Variants in CST1 observed in about 807,000 individuals in gnomAD.
The protein encoded by CST1 is cystatin SN.
CST1 carries 19 observed loss-of-function variants against 10.7 expected under a neutral mutation model. The ratio of observed to expected loss-of-function variants is 1.78; its 90% CI spans 1.24 to 2.61. The LOEUF is 2.61. CST1 is among the 30% of genes most tolerant of loss of function. The probability of loss-of-function intolerance (pLI) is 0.00; values close to 1 mark genes in which losing one functional copy is unlikely to be tolerated. For synonymous variants in CST1, 95 were observed against 72.8 expected (o/e 1.31, Z -1.55); for missense variants, 247 against 178.1 (o/e 1.39, Z -2.20).
rs1227030695 is a variant in CST1 at position 23,747,883 on chromosome 20, A to G, written c.359T>C (p.Phe120Ser). 1.9e-6 allele frequency: 3 copies of G among 1,613,746 alleles called. No homozygotes were observed. The highest frequency in any genetic ancestry group is 3.3e-5 in the Admixed American group (2 of 60,012). The change falls in exon 3 of 3, where the codon TTC (phenylalanine) becomes TCC (serine). Residue 120 changes from phenylalanine (F) to serine (S), a missense_variant. Coordinates refer to ENST00000304749, the MANE Select transcript of CST1 (RefSeq NM_001898.3). ...PELQKKQLCS[F>S]EIYEVPWENR... ...CTCCCAGGGAACTTCGTAGATCTCG[A>G]AAGAGCACAACTGTTTCTGTGAAAG... is the stretch of plus-strand genomic sequence containing the variant.
At chr20:23,748,574 C>T (rs536823882) in intron 2 of CST1, among the ~76,000 whole-genome samples, 1 of 152,194 alleles carries the variant, frequency 6.6e-6, no homozygotes, top group East Asian at 1.9e-4. Flanking sequence ...ACAGGCAACA[C>T]TCCAAAGCAG....
In CST1 at chr20:23,747,640, G is replaced by T; in HGVS notation, c.*176C>A. The T allele has an allele frequency of 1.6e-6, 1 of 618,300 alleles. No individual in the cohort carries two copies. 38.3% of individuals were successfully genotyped at this position (618,300 alleles called of 1,614,324 possible). A position where few individuals can be genotyped will look rare whatever the true frequency, so the allele number is the denominator to read the frequency against. ...GGCTATTAGAAGCAAGAAGGAAGGA[G>T]GGAGGGCAGAGCGCCCTGCTGAGCA... On this transcript the variant is annotated 3_prime_UTR_variant, in exon 3 of 3. Coordinates refer to ENST00000304749, the MANE Select transcript of CST1 (RefSeq NM_001898.3).
chr20:23,750,063 C>T (rs1165253695), intron 1 of CST1, among the ~76,000 whole-genome samples: 1 of 152,010 alleles, frequency 6.6e-6, no homozygotes, highest in Non-Finnish European at 1.5e-5. Context: ...CTCCTCTGCT[C>T]TGCTGGGTGA....
In CST1 at chr20:23,747,677, C is replaced by T. The variant is rs1982698272; in HGVS notation, c.*139G>A. On this transcript the variant is annotated 3_prime_UTR_variant, in exon 3 of 3. Transcript: ENST00000304749. ...CGCCCTGCTGAGCAACAAAGGACTC[C>T]TGCAGCCTTCTCTGTCTGTCTCTTG... The T allele has an allele frequency of 2.5e-5, 19 of 746,686 alleles. No individual in the cohort carries two copies. In the East Asian group the frequency reaches 5.1e-4, roughly 20 times the overall value. The allele number at this position is 746,686 out of a possible 1,614,324, so 46.3% of individuals were successfully genotyped here.
At chr20:23,749,394 C>T (rs1329955456) in intron 1 of CST1, among the ~76,000 whole-genome samples, 1 of 152,160 alleles carries the variant, frequency 6.6e-6, no homozygotes, top group Admixed American at 6.5e-5. Context: ...TGACTCTTTT[C>T]TAGGAAGTCT....
intron 2 of CST1, 42 bp downstream of exon 2, chr20:23,748,974 C>T (rs1982751878): frequency 1.2e-6 from 2 of 1,610,292 alleles, no homozygotes; most frequent in Non-Finnish European, 1.7e-6. Context: ...ACGCACCCCT[C>T]TGCAGTGCAT....
chr20:23,750,683 C>A lies in CST1; in HGVS notation c.184G>T (p.Asp62Tyr), dbSNP rs1376496606. 1.2e-6 allele frequency: 2 copies of A among 1,613,980 alleles called. No individual in the cohort carries two copies. The highest frequency in any genetic ancestry group is 1.7e-6 in the Non-Finnish European group (2 of 1,180,032). ...ACCCGCAGCGGACGTCTGTAGTAGT[C>A]ATCTTTGGTGGCCTTGTTATACTCG... is the stretch of plus-strand genomic sequence containing the variant. ...ISEYNKATKDDYYRRPLRVLR... is the reference protein window; with the variant it reads ...ISEYNKATKDYYYRRPLRVLR... Residue 62 changes from aspartate to tyrosine, a missense_variant, in exon 1 of 3, where the codon GAC becomes TAC. Physicochemically the swap from Asp to Tyr is radical, Grantham distance 160 (BLOSUM62 -3). Coordinates refer to ENST00000304749, the MANE Select transcript of CST1 (RefSeq NM_001898.3).
chr20:23,749,152 C>G, intron 1 of CST1, 23 bp from the exon 2 acceptor site: 1 of 1,610,356 alleles, frequency 6.2e-7, no homozygotes, highest in Non-Finnish European at 8.5e-7. Flanking sequence ...GAAAACAGGA[C>G]AGCGCCCCCA....
chr20:23,747,771 G>C lies in CST1; in HGVS notation c.*45C>G. 2 of 1,582,400 alleles carry C rather than the reference G, an allele frequency of 1.3e-6. No individual in the cohort carries two copies. Among genetic ancestry groups the C allele is most frequent in the Non-Finnish European group, 1.7e-6 (2 of 1,152,816 alleles). On this transcript the variant is annotated 3_prime_UTR_variant, in exon 3 of 3. Transcript: ENST00000304749. ...GTCCAGGGGTGGGAGCACTACAGGG[G>C]GTGGGAGTGGGTGGTGGCTGGTGCG...
At chr20:23,749,912 C>T (rs547242983) in intron 1 of CST1, among the ~76,000 whole-genome samples, 14 of 150,012 alleles carry the variant, frequency 9.3e-5, no homozygotes, top group East Asian at 7.8e-4. Context: ...AGAGGAGAAA[C>T]GGGGCTGGTG....
In CST1 at chr20:23,750,727, G is replaced by A; in HGVS notation, c.140C>T (p.Ala47Val). Residue 47 changes from alanine to valine, a missense_variant, in exon 1 of 3, where the codon GCC becomes GTC. Physicochemically the swap from Ala to Val is moderately conservative, Grantham distance 64 (BLOSUM62 0). Coordinates refer to ENST00000304749, the MANE Select transcript of CST1 (RefSeq NM_001898.3). ...ADLNDEWVQR[A>V]LHFAISEYNK... ...ATACTCGCTGATGGCGAAGTGAAGG[G>A]CACGCTGTACCCACTCATCATTGAG... 1 of 1,614,150 alleles carries A rather than the reference G, an allele frequency of 6.2e-7. No individual in the cohort carries two copies. The highest frequency in any genetic ancestry group is 8.5e-7 in the Non-Finnish European group (1 of 1,180,018).
chr20:23,749,274 C>G, intron 1 of CST1, 145 bp from the exon 2 acceptor site: 1 of 802,024 alleles, frequency 1.2e-6, no homozygotes, highest in South Asian at 1.6e-5. Flanking sequence ...CTCTTCCTGT[C>G]AACTGGCAGG....
At chr20:23,749,655 C>T (rs575802102) in intron 1 of CST1, among the ~76,000 whole-genome samples, 5 of 152,126 alleles carry the variant, frequency 3.3e-5, no homozygotes, top group African/African-American at 7.2e-5. Context: ...CTTTCCCAGA[C>T]ACAATGTGGC....
In CST1 at chr20:23,750,789, C is replaced by T. The variant is rs13045477; in HGVS notation, c.78G>A (p.Glu26=). ...AGATGCCACCCGGGATTATCCTATC[C>T]TCCTCCTTGGGGCTCCAGGCCAGGG... ...AVALAWSPKE[E]DRIIPGGIYN... is the part of the protein sequence containing the mutation. The change falls in exon 1 of 3, where the codon GAG becomes GAA. Residue 26 remains glutamate, a synonymous_variant. Coordinates refer to ENST00000304749, the MANE Select transcript of CST1 (RefSeq NM_001898.3). 0.27 allele frequency: 434,792 copies of T among 1,613,632 alleles called. 62,697 individuals are homozygous for T. The highest frequency in any genetic ancestry group is 0.53 in the African/African-American group (39,482 of 74,944).
In CST1 at chr20:23,749,063, G is replaced by T. The variant is rs1982755288; in HGVS notation, c.295C>A (p.Pro99Thr). The change falls in exon 2 of 3, where the codon CCC (proline) becomes ACC (threonine). Residue 99 changes from proline to threonine, a missense_variant. By Grantham distance (38) the Pro-to-Thr change is conservative. Transcript: ENST00000304749. ...VGRTICTKSQPNLDTCAFHEQ... is the reference protein window; with the variant it reads ...VGRTICTKSQTNLDTCAFHEQ... ...TGGAAGGCACAGGTGTCCAAGTTGGGCTGGGACTTGGTACATATGGTGCGG... is the reference window on the plus strand; with the variant it reads ...TGGAAGGCACAGGTGTCCAAGTTGGTCTGGGACTTGGTACATATGGTGCGG... The T allele has an allele frequency of 1.2e-6, 2 of 1,614,060 alleles. No individual in the cohort carries two copies. Among genetic ancestry groups the T allele is most frequent in the South Asian group, 1.1e-5 (1 of 91,084 alleles).
Position 23,750,762 on chromosome 20 carries a change from A to T in CST1, c.105T>A (p.Tyr35Ter), listed in dbSNP as rs1451481800. The T allele has an allele frequency of 1.9e-6, 3 of 1,614,024 alleles. No individual in the cohort carries two copies. The highest frequency in any genetic ancestry group is 3.3e-5 in the Admixed American group (2 of 60,000). Residue 35 changes from tyrosine (Y) to a stop codon, truncating the protein, a stop_gained, in exon 1 of 3, where the codon TAT becomes TAA. Transcript: ENST00000304749. LOFTEE classifies it high-confidence loss of function. ...EEDRIIPGGIYNADLNDEWVQ... is the reference protein window; with the variant it reads ...EEDRIIPGGI ...CCCACTCATCATTGAGGTCTGCGTT[A>T]TAGATGCCACCCGGGATTATCCTAT... is the stretch of plus-strand genomic sequence containing the variant.
intron 2 of CST1, among the ~76,000 whole-genome samples, chr20:23,748,191 G>A (rs549278567): frequency 6.6e-6 from 1 of 152,080 alleles, no homozygotes; most frequent in Non-Finnish European, 1.5e-5. Context: ...AGCCCCAAGG[G>A]TGCAGGGCAT....
At chr20:23,750,499 A>C (rs1982800389) in intron 1 of CST1, 140 bp downstream of exon 1, 2 of 808,308 alleles carry the variant, frequency 2.5e-6, no homozygotes, top group Non-Finnish European at 4.0e-6. Context: ...GAAGGGCATC[A>C]GCGGAGAGCC....
chr20:23,748,032 T>A, intron 2 of CST1, 133 bp from the exon 3 acceptor site: 1 of 843,384 alleles, frequency 1.2e-6, no homozygotes, highest in Admixed American at 2.1e-5. Context: ...CCCTACTGAG[T>A]CCCAGAGTGC....
Sources: allele counts gnomAD v4.1 joint callset (sites outside exome capture counted in the v4.1 genomes callset), GRCh38; gene constraint gnomAD v4.1.1; transcripts MANE v1.5; gene names NCBI Gene and HGNC (gene_info 2026-07-23, HGNC 2026-07-21).